CSTPP1: variants seen among roughly 807,000 people sequenced by gnomAD.
The protein encoded by CSTPP1 is UPF0705 protein C11orf49.
At chr11:47,015,810 G>A in the CSTPP1 span, among the ~76,000 whole-genome samples, 1 of 151,976 alleles carries the variant, frequency 6.6e-6, no homozygotes, top group Non-Finnish European at 1.5e-5. Context: ...AATGCATGTG[G>A]TGGTTTCACA....
chr11:47,077,451 C>T, the CSTPP1 span, among the ~76,000 whole-genome samples: 12 of 152,228 alleles, frequency 7.9e-5, no homozygotes, highest in Non-Finnish European at 1.6e-4. Context: ...CTGCCCACCT[C>T]GGCCTCCCAA....
the CSTPP1 span, among the ~76,000 whole-genome samples, chr11:47,139,519 C>T: frequency 6.6e-6 from 1 of 152,062 alleles, no homozygotes; most frequent in Admixed American, 6.6e-5. Flanking sequence ...GCTAAAAATA[C>T]AACAATTAGC....
At chr11:47,029,419 C>A in the CSTPP1 span, among the ~76,000 whole-genome samples, 1 of 151,884 alleles carries the variant, frequency 6.6e-6, no homozygotes, top group Non-Finnish European at 1.5e-5. Context: ...CCAGTCTAGC[C>A]AACATGGTGA....
the CSTPP1 span, among the ~76,000 whole-genome samples, chr11:47,158,343 GA>G: frequency 5.3e-5 from 8 of 150,092 alleles, no homozygotes; most frequent in East Asian, 2.0e-4. Flanking sequence ...TTTCCAAGCT[GA>G]AAAAAAAAAT....
At chr11:47,106,523 G>T in the CSTPP1 span, among the ~76,000 whole-genome samples, 1 of 151,988 alleles carries the variant, frequency 6.6e-6, no homozygotes, top group African/African-American at 2.4e-5. Flanking sequence ...CGCACCTGTA[G>T]TCCCAGGTAC....
chr11:47,113,791 T>G, the CSTPP1 span, among the ~76,000 whole-genome samples: 6 of 151,620 alleles, frequency 4.0e-5, no homozygotes, highest in South Asian at 2.1e-4. Context: ...CTCCCATTCT[T>G]TAGGTTGCCT....
At chr11:47,110,804 C>T in the CSTPP1 span, among the ~76,000 whole-genome samples, 1 of 152,194 alleles carries the variant, frequency 6.6e-6, no homozygotes, top group Non-Finnish European at 1.5e-5. Flanking sequence ...ACTCCAGGGC[C>T]CTGAAGCCCC....
the CSTPP1 span, among the ~76,000 whole-genome samples, chr11:47,016,671 T>C: frequency 1.3e-4 from 20 of 152,122 alleles, no homozygotes; most frequent in East Asian, 3.3e-3. Flanking sequence ...AGTATATCAG[T>C]TGTGGACAGG....
the CSTPP1 span, among the ~76,000 whole-genome samples, chr11:46,985,720 T>C: frequency 2.0e-5 from 3 of 152,248 alleles, no homozygotes; most frequent in Non-Finnish European, 4.4e-5. Context: ...AAACATGTTA[T>C]CAATCACGTA....
chr11:47,097,598 C>CT, the CSTPP1 span, among the ~76,000 whole-genome samples: 1 of 79,264 alleles, frequency 1.3e-5, no homozygotes. Context: ...GTCAGCCCTC[C>CT]GCCCGGCCAG....
At chr11:47,161,091 C>A in the CSTPP1 span, 1 of 1,613,854 alleles carries the variant, frequency 6.2e-7, no homozygotes, top group African/African-American at 1.3e-5. Flanking sequence ...CTGAAGGGCC[C>A]TCAGATTAAC....
chr11:47,062,638 T>C, the CSTPP1 span, among the ~76,000 whole-genome samples: 1 of 152,248 alleles, frequency 6.6e-6, no homozygotes. Flanking sequence ...TGATCTGTAA[T>C]CAAACTTTAA....
chr11:46,955,654 C>T, the CSTPP1 span, among the ~76,000 whole-genome samples: 1 of 151,956 alleles, frequency 6.6e-6, no homozygotes, highest in Non-Finnish European at 1.5e-5. Flanking sequence ...TGAGCCACTG[C>T]GCCCAGGCTA....
At chr11:47,136,653 C>G in the CSTPP1 span, among the ~76,000 whole-genome samples, 83 of 152,112 alleles carry the variant, frequency 5.5e-4, no homozygotes, top group African/African-American at 2.0e-3. Flanking sequence ...AAACCAAGTG[C>G]CTGTGATCAT....
chr11:47,044,438 G>A, the CSTPP1 span, among the ~76,000 whole-genome samples: 25 of 152,100 alleles, frequency 1.6e-4, no homozygotes, highest in Admixed American at 3.9e-4. Flanking sequence ...GCGCAGTCAC[G>A]TGAATCTTGC....
the CSTPP1 span, among the ~76,000 whole-genome samples, chr11:47,015,068 G>A: frequency 6.6e-6 from 1 of 151,996 alleles, no homozygotes; most frequent in Non-Finnish European, 1.5e-5. Context: ...GAGATAATAA[G>A]GAAATATTAT....
the CSTPP1 span, among the ~76,000 whole-genome samples, chr11:46,963,644 G>T: frequency 2.0e-4 from 30 of 151,984 alleles, no homozygotes; most frequent in South Asian, 3.3e-3. Context: ...AAATTAGCTG[G>T]GTGTGGTGCA....
At chr11:46,993,054 C>G in the CSTPP1 span, among the ~76,000 whole-genome samples, 1 of 152,160 alleles carries the variant, frequency 6.6e-6, no homozygotes, top group African/African-American at 2.4e-5. Context: ...AGTATCTGTT[C>G]GTATCCTTTG....
At chr11:47,012,649 G>A in the CSTPP1 span, among the ~76,000 whole-genome samples, 2 of 152,050 alleles carry the variant, frequency 1.3e-5, no homozygotes, top group Non-Finnish European at 2.9e-5. Context: ...TCCATTTCAA[G>A]GATATAATAA....
Sources: allele counts gnomAD v4.1 joint callset (sites outside exome capture counted in the v4.1 genomes callset), GRCh38; gene constraint gnomAD v4.1.1; transcripts MANE v1.5; gene names NCBI Gene and HGNC (gene_info 2026-07-23, HGNC 2026-07-21).